The following LGI2 variants were observed in gnomAD, a reference collection of about 807,000 sequenced individuals.
The protein encoded by LGI2 is leucine-rich repeat LGI family member 2.
Under a neutral mutation model 52.0 loss-of-function variants are expected in LGI2, and 30 were observed. That is an observed-to-expected ratio of 0.58 (90% CI 0.43 to 0.78). LGI2 has a LOEUF of 0.78. Among genes scored for constraint, LGI2 ranks in the 30% least tolerant of loss-of-function variants. LGI2 has a pLI of 0.00. For synonymous variants in LGI2, 270 were observed against 271.8 expected (o/e 0.99, Z 0.06); for missense variants, 573 against 692.5 (o/e 0.83, Z 1.94).
chr4:25,021,875 G>C (rs1725972977), intron 4 of LGI2, among the ~76,000 whole-genome samples: 1 of 144,660 alleles, frequency 6.9e-6, no homozygotes, highest in Non-Finnish European at 1.5e-5. Context: ...AGGTTGCAGT[G>C]AGCCAAGATT....
At chr4:25,024,260 TC>T (rs1726069709) in intron 4 of LGI2, among the ~76,000 whole-genome samples, 1 of 152,208 alleles carries the variant, frequency 6.6e-6, no homozygotes, top group African/African-American at 2.4e-5. Flanking sequence ...ACGCCTGTAA[TC>T]CCAGCACTTT....
chr4:25,019,143 C>T lies in LGI2; in HGVS notation c.485+24G>A, dbSNP rs370161225. On this transcript the variant is annotated intron_variant, in intron 5 of 7. Coordinates refer to ENST00000382114, the MANE Select transcript of LGI2 (RefSeq NM_018176.4). ...TAACTGGGGCACAATGACAAACACA[C>T]ATAAACTAAATTTCATTACTTACAG... The T allele has an allele frequency of 2.0e-5, 29 of 1,439,928 alleles. No individual in the cohort carries two copies. The African/African-American group carries it at 3.4e-4, about 17-fold the overall frequency. The allele number at this position is 1,439,928 out of a possible 1,614,324, so 89.2% of individuals were successfully genotyped here.
intron 6 of LGI2, among the ~76,000 whole-genome samples, chr4:25,017,077 T>C (rs1013054088): frequency 2.6e-5 from 4 of 152,248 alleles, no homozygotes; most frequent in Admixed American, 6.5e-5. Context: ...ACTGAAAGTT[T>C]GTGGCAGGCC....
chr4:25,006,535 C>T (rs891453994), intron 7 of LGI2, among the ~76,000 whole-genome samples: 1 of 152,150 alleles, frequency 6.6e-6, no homozygotes, highest in African/African-American at 2.4e-5. Flanking sequence ...CCTGCAAGGA[C>T]CTAATCCCTT....
rs569536389 is a variant in LGI2, at chr4:25,004,493, T to A, written c.821-225A>T. 6.6e-6 allele frequency among the ~76,000 whole-genome samples: 1 copy of A among 152,306 alleles called. No individual in the cohort carries two copies. ...TTGAAAGCAGTGACTCAAAGAGATA[T>A]CTGTACACCTAATGCTATAGACCAA... On this transcript the variant is annotated intron_variant, in intron 7 of 7. Transcript: ENST00000382114. This position sits in a 1 kb window ranked among gnomAD's most constrained non-coding sequence, Gnocchi z 4.6.
At chr4:24,996,637 C>T (rs1003759120), downstream of LGI2, among the ~76,000 whole-genome samples, 4 of 152,190 alleles carry the variant, frequency 2.6e-5, no homozygotes, top group African/African-American at 4.8e-5. Context: ...GCAGCCCACA[C>T]CACCTTGGAA....
At chr4:25,022,229 G>A (rs976260410) in intron 4 of LGI2, among the ~76,000 whole-genome samples, 4 of 152,200 alleles carry the variant, frequency 2.6e-5, no homozygotes, top group East Asian at 1.9e-4. Flanking sequence ...TGGCAGGAGG[G>A]AAGAGGAAGA....
chr4:25,026,590 A>G (rs1726158600), intron 3 of LGI2, among the ~76,000 whole-genome samples: 1 of 152,150 alleles, frequency 6.6e-6, no homozygotes, highest in Admixed American at 6.5e-5. Context: ...GCAACTTCCA[A>G]TTGTGCTTAC....
intron 4 of LGI2, among the ~76,000 whole-genome samples, chr4:25,021,419 T>C (rs905571465): frequency 3.3e-5 from 5 of 152,194 alleles, no homozygotes; most frequent in South Asian, 2.1e-4. Flanking sequence ...TCTGTAAGCA[T>C]TGCAAAAGTT....
intron 4 of LGI2, among the ~76,000 whole-genome samples, chr4:25,024,471 G>A (rs1040233721): frequency 6.6e-6 from 1 of 152,110 alleles, no homozygotes; most frequent in African/African-American, 2.4e-5. Flanking sequence ...CCGAGATCAT[G>A]CCACTGCACT....
intron 1 of LGI2, 112 bp from the exon 2 acceptor site, chr4:25,028,690 G>C (rs10021870): frequency 0.26 from 222,014 of 858,058 alleles, 32,197 homozygotes; most frequent in East Asian, 0.53. Flanking sequence ...ACTCTCAGGA[G>C]TGAGGCATAG....
chr4:24,993,208 T>C, the LGI2 span, among the ~76,000 whole-genome samples: 43 of 152,204 alleles, frequency 2.8e-4, no homozygotes, highest in African/African-American at 1.0e-3. Flanking sequence ...ATTATTGTTT[T>C]CTCTGTTTCA....
In LGI2 at chr4:25,004,102, G is replaced by C; in HGVS notation, c.987C>G (p.Ile329Met). 1 of 1,614,168 alleles carries C rather than the reference G, an allele frequency of 6.2e-7. No individual in the cohort carries two copies. The change falls in exon 8 of 8, where the codon ATC becomes ATG. Residue 329 changes from isoleucine (I) to methionine (M), a missense_variant. Ile to Met is a conservative substitution (Grantham distance 10). Transcript: ENST00000382114. The surrounding 1 kb of genome is among the most constrained non-coding windows in gnomAD (Gnocchi z 4.6). Reference protein sequence around the residue: ...EVSRISKPNDIELFQIDDETF... With the variant: ...EVSRISKPNDMELFQIDDETF... ...TCTCGTCGTCGATCTGAAACAGCTC[G>C]ATGTCATTGGGCTTGGAAATGCGAG... is the stretch of plus-strand genomic sequence containing the variant.
chr4:24,995,843 A>G (rs1170345412), downstream of LGI2, among the ~76,000 whole-genome samples: 2 of 152,228 alleles, frequency 1.3e-5, no homozygotes, highest in African/African-American at 4.8e-5. Flanking sequence ...TTGAATTTAC[A>G]ACAGCAAGAA....
intron 4 of LGI2, 75 bp from the exon 5 acceptor site, chr4:25,019,313 C>A: frequency 1.0e-6 from 1 of 962,394 alleles, no homozygotes; most frequent in African/African-American, 1.6e-5. Context: ...TCAGATAAAG[C>A]TGTTGACTTA....
intron 7 of LGI2, among the ~76,000 whole-genome samples, chr4:25,010,758 C>T (rs1256132331): frequency 1.3e-5 from 2 of 152,186 alleles, no homozygotes; most frequent in Non-Finnish European, 2.9e-5. Context: ...CTCACAGGCT[C>T]ACGGCCAACA....
chr4:25,029,669 C>A (rs996865983), intron 1 of LGI2, among the ~76,000 whole-genome samples: 4 of 152,202 alleles, frequency 2.6e-5, no homozygotes, highest in African/African-American at 9.6e-5. Context: ...AAGCACCTCT[C>A]GGCAGGTGGA....
intron 3 of LGI2, among the ~76,000 whole-genome samples, chr4:25,026,458 TGAA>T (rs1726154778): frequency 6.6e-6 from 1 of 152,104 alleles, no homozygotes; most frequent in East Asian, 1.9e-4. Context: ...GTGAACAACA[TGAA>T]GTTGTACCCC....
In LGI2 at chr4:25,028,585, G is replaced by A. The variant is rs1354818849; in HGVS notation, c.198-7C>T. 1 of 1,610,262 alleles carries A rather than the reference G, an allele frequency of 6.2e-7. No individual in the cohort carries two copies. The highest frequency in any genetic ancestry group is 8.5e-7 in the Non-Finnish European group (1 of 1,178,300). Reference sequence around the variant, plus strand: ...CGTCCCATTTACCAGGCTCCTACGGGCAAAAGATGAACAAAAGTAGGCCTA... The same window carrying A: ...CGTCCCATTTACCAGGCTCCTACGGACAAAAGATGAACAAAAGTAGGCCTA... On this transcript the variant is annotated splice_polypyrimidine_tract_variant and splice_region_variant and intron_variant, in intron 1 of 7. Coordinates refer to ENST00000382114, the MANE Select transcript of LGI2 (RefSeq NM_018176.4).
Sources: gnomAD v4.1 joint callset for allele counts (sites outside exome capture counted in the v4.1 genomes callset) on GRCh38, gnomAD v4.1.1 for gene constraint, Gnocchi (gnomAD v3.1) non-coding constraint, MANE v1.5 for transcripts, NCBI Gene and HGNC (gene_info 2026-07-23, HGNC 2026-07-21) for gene names.